The following STAT4 variants were observed in gnomAD, a reference collection of about 807,000 sequenced individuals.
STAT4 encodes the protein signal transducer and activator of transcription 4.
STAT4 carries 42 observed loss-of-function variants against 110.5 expected under a neutral mutation model. The ratio of observed to expected loss-of-function variants is 0.38; its 90% CI spans 0.30 to 0.49. STAT4 has a LOEUF of 0.49. Among genes scored for constraint, STAT4 ranks in the 20% least tolerant of loss-of-function variants. The pLI is 0.95. For synonymous variants in STAT4, 284 were observed against 302.2 expected, an observed-to-expected ratio of 0.94 and a Z score of 0.63; for missense variants, 632 against 887.9, an observed-to-expected ratio of 0.71 and a Z score of 3.66.
At chr2:191,079,391 T>C (rs931963820) in intron 3 of STAT4, among the ~76,000 whole-genome samples, 1 of 152,096 alleles carries the variant, frequency 6.6e-6, no homozygotes, top group African/African-American at 2.4e-5. Flanking sequence ...TAATCTTATA[T>C]GTGTTTCACT....
chr2:191,089,701 C>T (rs775350040), intron 3 of STAT4, among the ~76,000 whole-genome samples: 4 of 152,034 alleles, frequency 2.6e-5, no homozygotes, highest in South Asian at 2.1e-4. Flanking sequence ...TCCATCTAGA[C>T]GATAGAATAT....
Position 191,033,843 on chromosome 2 carries a change from A to C in STAT4, c.1715+68T>G. The C allele has an allele frequency of 1.4e-6, 2 of 1,435,800 alleles. No individual in the cohort carries two copies. The highest frequency in any genetic ancestry group is 1.9e-6 in the Non-Finnish European group (2 of 1,051,920). 88.9% of individuals were successfully genotyped at this position (1,435,800 alleles called of 1,614,324 possible). The stretch of plus-strand genomic sequence containing the variant: ...AACATGCTTAAGAGAAAAAGAAAGA[A>C]GAAAACCAATAACAACAGAAAAAAA... On this transcript the variant is annotated intron_variant, in intron 19 of 23. Transcript: ENST00000392320. The surrounding 1 kb of genome is among the most constrained non-coding windows in gnomAD (Gnocchi z 6.9).
At position 191,130,994 on chromosome 2, in the gene STAT4, T is replaced by A. The variant is rs55668760; in HGVS notation, c.273+15619A>T. 3.4e-4 allele frequency among the ~76,000 whole-genome samples: 51 copies of A among 151,336 alleles called. 1 individual carries two copies. The highest frequency in any genetic ancestry group is 1.2e-3 in the African/African-American group (49 of 40,916). ...AGTATCTGAGTAAAGTTAGAAAAAA[T>A]TAGAAAAATAATAAAAAGTAAAATG... On this transcript the variant is annotated intron_variant, in intron 3 of 23. Coordinates refer to ENST00000392320, the MANE Select transcript of STAT4 (RefSeq NM_003151.4).
intron 3 of STAT4, among the ~76,000 whole-genome samples, chr2:191,108,728 C>T (rs1181795822): frequency 6.6e-6 from 1 of 152,154 alleles, no homozygotes; most frequent in Admixed American, 6.5e-5. Flanking sequence ...GCTCTGGGAC[C>T]GTGATTCTGT....
intron 3 of STAT4, among the ~76,000 whole-genome samples, chr2:191,078,396 T>G (rs1011408047): frequency 1.6e-4 from 24 of 152,170 alleles, no homozygotes; most frequent in African/African-American, 5.5e-4. Flanking sequence ...CTTTGTATGG[T>G]TAAATTACTC....
At chr2:191,127,287 G>A (rs569475623) in intron 3 of STAT4, among the ~76,000 whole-genome samples, 1 of 152,170 alleles carries the variant, frequency 6.6e-6, no homozygotes, top group African/African-American at 2.4e-5. Context: ...GCTTAGCATG[G>A]CATTCAAGAT....
chr2:191,084,295 T>C (rs1266146768), intron 3 of STAT4, among the ~76,000 whole-genome samples: 1 of 151,974 alleles, frequency 6.6e-6, no homozygotes, highest in Admixed American at 6.6e-5. Flanking sequence ...TTTCTGACAC[T>C]TGCTTAACCT....
chr2:191,034,230 G>A (rs1349753928), intron 18 of STAT4, among the ~76,000 whole-genome samples: 2 of 152,066 alleles, frequency 1.3e-5, no homozygotes. Flanking sequence ...AGACCATCCT[G>A]ACTAACACGG....
intron 18 of STAT4, 42 bp downstream of exon 18, chr2:191,034,506 T>TA (rs745844883): frequency 2.5e-5 from 38 of 1,498,800 alleles, no homozygotes; most frequent in African/African-American, 2.5e-4. Context: ...AACATTGTAT[T>TA]AAAAAAATGT....
chr2:191,080,879 T>G (rs1697448634), intron 3 of STAT4, among the ~76,000 whole-genome samples: 1 of 152,128 alleles, frequency 6.6e-6, no homozygotes. Flanking sequence ...TACTTTAAGT[T>G]CTGGGATACA....
At position 191,058,056 on chromosome 2, in the gene STAT4, A is replaced by T. The variant is rs1696754445; in HGVS notation, c.1168T>A (p.Ser390Thr). ...TCTACTGAGAGACTCCCATTGGAAG[A>T]TTCTTCAATAGACATGGCTTTGACA... ...TNVKAMSIEE[S>T]SNGSLSVEFR... Residue 390 changes from serine to threonine, a missense_variant, in exon 13 of 24, where the codon TCT becomes ACT. By Grantham distance (58) the Ser-to-Thr change is moderately conservative. This residue lies in a region of STAT4 where 488 missense variants were observed against 632.8 expected (regional missense o/e 0.77). Transcript: ENST00000392320. The surrounding 1 kb of genome is among the most constrained non-coding windows in gnomAD (Gnocchi z 4.3). The T allele has an allele frequency of 1.2e-6, 2 of 1,614,002 alleles. No homozygotes were observed. The highest frequency in any genetic ancestry group is 1.7e-6 in the Non-Finnish European group (2 of 1,180,020).
chr2:191,116,527 T>C lies in STAT4; in HGVS notation c.273+30086A>G, dbSNP rs1394217201. Among the ~76,000 whole-genome samples the C allele has an allele frequency of 6.6e-6, 1 of 152,154 alleles. No individual in the cohort carries two copies. The highest frequency in any genetic ancestry group is 1.5e-5 in the Non-Finnish European group (1 of 68,028). Reference sequence around the variant, plus strand: ...CAATAAGTTAAAAGGAATAACCTTATAGATTTAGAATTTTTTTAAAAGCAT... The same window carrying C: ...CAATAAGTTAAAAGGAATAACCTTACAGATTTAGAATTTTTTTAAAAGCAT... On this transcript the variant is annotated intron_variant, in intron 3 of 23. Coordinates refer to ENST00000392320, the MANE Select transcript of STAT4 (RefSeq NM_003151.4). This position sits in a 1 kb window ranked among gnomAD's most constrained non-coding sequence, Gnocchi z 4.1.
At position 191,058,636 on chromosome 2, in the gene STAT4, A is replaced by G. The variant is rs922594133; in HGVS notation, c.1094+74T>C. On this transcript the variant is annotated intron_variant, in intron 11 of 23. Transcript: ENST00000392320. This position sits in a 1 kb window ranked among gnomAD's most constrained non-coding sequence, Gnocchi z 4.3. ...AAATTTAAAAGTTCAAAATTATTCT[A>G]TAAAATAAAGGCCATTCATTTTTAA... The G allele has an allele frequency of 8.0e-6, 7 of 872,524 alleles. No homozygotes were observed. The highest frequency in any genetic ancestry group is 1.1e-5 in the Non-Finnish European group (6 of 551,262). The allele number at this position is 872,524 out of a possible 1,614,324, so 54.0% of individuals were successfully genotyped here.
intron 3 of STAT4, among the ~76,000 whole-genome samples, chr2:191,123,765 T>G (rs1265729417): frequency 1.3e-5 from 2 of 152,240 alleles, no homozygotes; most frequent in African/African-American, 4.8e-5. Context: ...TCATGTTTGC[T>G]TAGCTGGCTG....
Position 191,144,944 on chromosome 2 carries a change from G to A in STAT4, c.273+1669C>T, listed in dbSNP as rs989215102. On this transcript the variant is annotated intron_variant, in intron 3 of 23. Coordinates refer to ENST00000392320, the MANE Select transcript of STAT4 (RefSeq NM_003151.4). The surrounding 1 kb of genome is among the most constrained non-coding windows in gnomAD (Gnocchi z 4.7). Reference sequence around the variant, plus strand: ...ATTTGAGAGTCAGATTTTTAACCCAGACCTTCTTGGTTCCAAAGACCATGC... The same window carrying A: ...ATTTGAGAGTCAGATTTTTAACCCAAACCTTCTTGGTTCCAAAGACCATGC... 5.9e-5 allele frequency among the ~76,000 whole-genome samples: 9 copies of A among 152,100 alleles called. No individual in the cohort carries two copies. The highest frequency in any genetic ancestry group is 2.2e-4 in the African/African-American group (9 of 41,412).
In STAT4 at chr2:191,057,308, C is replaced by T. The variant is rs557238600; in HGVS notation, c.1206+710G>A. Among the ~76,000 whole-genome samples the T allele has an allele frequency of 6.6e-5, 10 of 152,260 alleles. No individual in the cohort carries two copies. In the East Asian group the frequency reaches 1.9e-3, roughly 29 times the overall value. On this transcript the variant is annotated intron_variant, in intron 13 of 23. Coordinates refer to ENST00000392320, the MANE Select transcript of STAT4 (RefSeq NM_003151.4). ...GGCTTATTTCATTTAACATAATGAC[C>T]TCCAATTCCATCCATGTTGCTGCGT...
chr2:191,096,545 G>A (rs1298537659), intron 3 of STAT4, among the ~76,000 whole-genome samples: 1 of 152,048 alleles, frequency 6.6e-6, no homozygotes, highest in African/African-American at 2.4e-5. Context: ...CAGATGCAGA[G>A]AAGGCCTTTC....
rs536407746 is a variant in STAT4 at position 191,110,199 on chromosome 2, T to C, written c.274-33874A>G. ...TCCTCAGTCTGCACAAACATAGATT[T>C]GTGTTGATGTCAGTGCTAAGAAGAA... is the stretch of plus-strand genomic sequence containing the variant. On this transcript the variant is annotated intron_variant, in intron 3 of 23. Transcript: ENST00000392320. The surrounding 1 kb of genome is among the most constrained non-coding windows in gnomAD (Gnocchi z 4.5). 1.1e-4 allele frequency among the ~76,000 whole-genome samples: 17 copies of C among 152,250 alleles called. No homozygotes were observed. The highest frequency in any genetic ancestry group is 1.0e-3 in the Admixed American group (16 of 15,296).
At chr2:191,034,256 A>G (rs1695981441) in intron 18 of STAT4, among the ~76,000 whole-genome samples, 1 of 152,014 alleles carries the variant, frequency 6.6e-6, no homozygotes, top group African/African-American at 2.4e-5. Context: ...CCCCACCTCT[A>G]CTAAAAATAT....
Sources: gnomAD v4.1 joint callset for allele counts (sites outside exome capture counted in the v4.1 genomes callset) on GRCh38, gnomAD v4.1.1 for gene constraint, gnomAD v4.1.1 regional missense constraint, Gnocchi (gnomAD v3.1) non-coding constraint, MANE v1.5 for transcripts, NCBI Gene and HGNC (gene_info 2026-07-23, HGNC 2026-07-21) for gene names.